PTPRD: variants seen among roughly 807,000 people sequenced by gnomAD.
PTPRD encodes protein tyrosine phosphatase receptor type D, also known as receptor-type tyrosine-protein phosphatase delta.
Under a neutral mutation model 214.5 loss-of-function variants are expected in PTPRD, and 34 were observed. That is an observed-to-expected ratio of 0.16 (90% CI 0.12 to 0.21). The LOEUF is 0.21. Among genes scored for constraint, PTPRD ranks in the 10% least tolerant of loss-of-function variants. The pLI is 1.00. For synonymous variants in PTPRD, 1,128 were observed against 845.7 expected, an observed-to-expected ratio of 1.33 and a Z score of -5.79; for missense variants, 2,545 against 2,398.7, an observed-to-expected ratio of 1.06 and a Z score of -1.27.
intron 27 of PTPRD, among the ~76,000 whole-genome samples, chr9:8,486,713 CTA>C (rs1254890718): frequency 2.6e-5 from 4 of 152,140 alleles, no homozygotes; most frequent in African/African-American, 9.7e-5. Flanking sequence ...ATAAGAATAA[CTA>C]TAATGATTAT....
At chr9:9,970,841 A>C (rs1262450863) in intron 4 of PTPRD, among the ~76,000 whole-genome samples, 3 of 152,198 alleles carry the variant, frequency 2.0e-5, no homozygotes, top group African/African-American at 7.2e-5. Context: ...ATAAACCTGG[A>C]ATGTCACACT....
At chr9:9,860,107 A>G (rs1334123543) in intron 5 of PTPRD, among the ~76,000 whole-genome samples, 1 of 152,220 alleles carries the variant, frequency 6.6e-6, no homozygotes, top group Non-Finnish European at 1.5e-5. Context: ...GCCATGAACA[A>G]TATCTACTAT....
At chr9:10,374,692 G>A (rs966203998) in intron 2 of PTPRD, among the ~76,000 whole-genome samples, 12 of 151,996 alleles carry the variant, frequency 7.9e-5, no homozygotes, top group Non-Finnish European at 1.8e-4. Context: ...CCACACATTT[G>A]CTAGCTCCAT....
chr9:9,392,996 G>A (rs530584814), intron 9 of PTPRD, among the ~76,000 whole-genome samples: 2 of 152,218 alleles, frequency 1.3e-5, no homozygotes, highest in South Asian at 2.1e-4. Flanking sequence ...GGAGGAGCCT[G>A]GTCTCTTAAG....
chr9:10,184,484 C>G (rs1404135294), intron 3 of PTPRD, among the ~76,000 whole-genome samples: 3 of 151,984 alleles, frequency 2.0e-5, no homozygotes, highest in African/African-American at 7.3e-5. Context: ...GACACTAAAA[C>G]TCTGAGACAA....
intron 8 of PTPRD, among the ~76,000 whole-genome samples, chr9:9,482,378 T>C (rs1005752476): frequency 6.6e-6 from 1 of 152,170 alleles, no homozygotes; most frequent in African/African-American, 2.4e-5. Context: ...GTTTAAAAAA[T>C]TAATGAGCTT....
intron 11 of PTPRD, among the ~76,000 whole-genome samples, chr9:8,823,531 G>A (rs1004481644): frequency 6.6e-6 from 1 of 152,102 alleles, no homozygotes; most frequent in Non-Finnish European, 1.5e-5. Flanking sequence ...GTGCCTGTAA[G>A]TCCCAGCAGC....
At chr9:8,326,366 T>A (rs1052309587) in intron 44 of PTPRD, among the ~76,000 whole-genome samples, 3 of 152,212 alleles carry the variant, frequency 2.0e-5, no homozygotes, top group African/African-American at 4.8e-5. Flanking sequence ...ATGTGATGGA[T>A]TACGTTCATT....
chr9:9,213,568 G>A (rs1363561271), intron 9 of PTPRD, among the ~76,000 whole-genome samples: 4 of 151,992 alleles, frequency 2.6e-5, no homozygotes, highest in Admixed American at 2.6e-4. Context: ...GGTTAGGTCT[G>A]CCTCATTTGG....
intron 2 of PTPRD, among the ~76,000 whole-genome samples, chr9:10,598,671 T>C (rs12551753): frequency 0.48 from 48,914 of 101,250 alleles, 8,661 homozygotes; most frequent in East Asian, 0.59. Flanking sequence ...TTTTTATATA[T>C]GTATGTGTGT....
rs534954922 is a variant in PTPRD, at chr9:9,673,563, C to G, written c.-287+60970G>C. Among the ~76,000 whole-genome samples, 377 of 151,546 alleles carry G rather than the reference C, an allele frequency of 2.5e-3. 2 individuals are homozygous for G. The highest frequency in any genetic ancestry group is 8.5e-3 in the African/African-American group (353 of 41,420). On this transcript the variant is annotated intron_variant, in intron 7 of 45. Transcript: ENST00000381196. ...ATTACCCAAAAAGAAAAGATGAACA[C>G]TACAAATTGAGTTTAAGCATTAAGG...
At chr9:8,415,916 A>T (rs984943837) in intron 35 of PTPRD, among the ~76,000 whole-genome samples, 2 of 152,038 alleles carry the variant, frequency 1.3e-5, no homozygotes, top group Non-Finnish European at 2.9e-5. Context: ...TTGTAAAGTG[A>T]CCATATCAAG....
At chr9:10,484,551 T>G (rs1354471284) in intron 2 of PTPRD, among the ~76,000 whole-genome samples, 1 of 152,108 alleles carries the variant, frequency 6.6e-6, no homozygotes, top group African/African-American at 2.4e-5. Context: ...GAGTATTTGT[T>G]ATTGCCTGTC....
chr9:8,436,725 A>G (rs774494164), intron 34 of PTPRD, 36 bp from the exon 35 acceptor site: 1 of 1,510,092 alleles, frequency 6.6e-7, no homozygotes, highest in Non-Finnish European at 9.2e-7. Context: ...ACATTTGAAA[A>G]CAAATGAAAA....
chr9:9,864,918 A>T (rs2063607553), intron 5 of PTPRD, among the ~76,000 whole-genome samples: 2 of 152,146 alleles, frequency 1.3e-5, no homozygotes, highest in African/African-American at 4.8e-5. Flanking sequence ...ATATTTTAGG[A>T]TAAATTATAA....
intron 10 of PTPRD, among the ~76,000 whole-genome samples, chr9:9,030,697 A>G (rs144802058): frequency 2.3e-4 from 35 of 151,796 alleles, no homozygotes; most frequent in African/African-American, 7.7e-4. Context: ...GTTTTTATCC[A>G]TTGTTTTTCT....
intron 14 of PTPRD, among the ~76,000 whole-genome samples, chr9:8,538,608 A>AAT (rs2077535155): frequency 6.6e-6 from 1 of 151,410 alleles, no homozygotes; most frequent in South Asian, 2.1e-4. Context: ...CCTAGTTTTA[A>AAT]ATATATATGT....
At chr9:9,555,262 G>T (rs1471875763) in intron 8 of PTPRD, among the ~76,000 whole-genome samples, 3 of 151,944 alleles carry the variant, frequency 2.0e-5, no homozygotes, top group Non-Finnish European at 4.4e-5. Flanking sequence ...TATTAGGGCA[G>T]ATATATGGCC....
chr9:10,081,290 G>A (rs923869907), intron 3 of PTPRD, among the ~76,000 whole-genome samples: 1 of 152,080 alleles, frequency 6.6e-6, no homozygotes, highest in Non-Finnish European at 1.5e-5. Context: ...TAGTTACCTA[G>A]ATATTGAAGA....
Sources: gnomAD v4.1 joint callset for allele counts (sites outside exome capture counted in the v4.1 genomes callset) on GRCh38, gnomAD v4.1.1 for gene constraint, MANE v1.5 for transcripts, NCBI Gene and HGNC (gene_info 2026-07-23, HGNC 2026-07-21) for gene names.